Variants in EXOC4 observed in about 807,000 individuals in gnomAD.
The protein encoded by EXOC4 is exocyst complex component 4.
EXOC4 carries 71 observed loss-of-function variants against 107.2 expected under a neutral mutation model. That is an observed-to-expected ratio of 0.66 (90% CI 0.55 to 0.81). The LOEUF is 0.81. Among genes scored for constraint, EXOC4 ranks in the 30% least tolerant of loss-of-function variants. The pLI is 0.00. For missense variants in EXOC4, 1,108 were observed against 1,189.6 expected (o/e 0.93, Z 1.01); for synonymous variants, 456 against 441.2 (o/e 1.03, Z -0.42).
intron 10 of EXOC4, among the ~76,000 whole-genome samples, chr7:133,747,323 A>G (rs1486048150): frequency 1.3e-5 from 2 of 152,196 alleles, no homozygotes; most frequent in African/African-American, 4.8e-5. Flanking sequence ...AGTAATTACT[A>G]TTGAAAGTAA....
At chr7:133,761,844 G>T (rs1276888120) in intron 10 of EXOC4, among the ~76,000 whole-genome samples, 1 of 152,162 alleles carries the variant, frequency 6.6e-6, no homozygotes, top group South Asian at 2.1e-4. Context: ...ATTTTTACCT[G>T]TACTGACCAA....
the EXOC4 span, among the ~76,000 whole-genome samples, chr7:134,095,512 A>G: frequency 6.6e-6 from 1 of 152,178 alleles, no homozygotes; most frequent in East Asian, 1.9e-4. Context: ...CAAGTAGCCA[A>G]AACAATCCTA....
At position 133,305,986 on chromosome 7, in the gene EXOC4, A is replaced by G. The variant is rs1794744977; in HGVS notation, c.581A>G (p.Asp194Gly). 6.2e-7 allele frequency: 1 copy of G among 1,613,814 alleles called. No individual in the cohort carries two copies. The highest frequency in any genetic ancestry group is 1.3e-5 in the African/African-American group (1 of 74,908). ...ATGAACCTTCACTTGGTTCTCATAGATGAACTACACCGGCACCTGTACATC... is the reference window on the plus strand; with the variant it reads ...ATGAACCTTCACTTGGTTCTCATAGGTGAACTACACCGGCACCTGTACATC... ...KKMNLHLVLI[D>G]ELHRHLYIKS... The change falls in exon 4 of 18, where the codon GAT becomes GGT. Residue 194 changes from aspartate to glycine, a missense_variant. Asp to Gly is a moderately conservative substitution (Grantham distance 94). Transcript: ENST00000253861.
intron 10 of EXOC4, among the ~76,000 whole-genome samples, chr7:133,769,492 T>C (rs1796203745): frequency 6.6e-6 from 1 of 151,874 alleles, no homozygotes; most frequent in African/African-American, 2.4e-5. Flanking sequence ...TTGTGTTTGG[T>C]TTTTATTCCA....
chr7:133,402,521 C>CA (rs1563052247), intron 7 of EXOC4, among the ~76,000 whole-genome samples: 1 of 152,122 alleles, frequency 6.6e-6, no homozygotes, highest in African/African-American at 2.4e-5. Context: ...TTTTTTGAGA[C>CA]GGAGTCTTGC....
At chr7:133,297,735 T>C (rs1794550353) in intron 3 of EXOC4, among the ~76,000 whole-genome samples, 1 of 152,102 alleles carries the variant, frequency 6.6e-6, no homozygotes, top group Non-Finnish European at 1.5e-5. Flanking sequence ...CCATGCCAGG[T>C]AAAAAGAAAA....
chr7:134,099,683 A>T, the EXOC4 span, among the ~76,000 whole-genome samples: 1 of 151,332 alleles, frequency 6.6e-6, no homozygotes, highest in South Asian at 2.1e-4. Context: ...GGCACCCGCC[A>T]CCTCGCCAGG....
rs142626773 is a variant in EXOC4, at chr7:134,011,968, A to G, written c.2687+4133A>G. On this transcript the variant is annotated intron_variant, in intron 17 of 17. Coordinates refer to ENST00000253861, the MANE Select transcript of EXOC4 (RefSeq NM_021807.4). Reference sequence around the variant, plus strand: ...ATCTAGGGAAAGAGCGTACCAGGAAAGAACGTCTAAGGGTGAAGAGCCAGA... The same window carrying G: ...ATCTAGGGAAAGAGCGTACCAGGAAGGAACGTCTAAGGGTGAAGAGCCAGA... 1.1e-3 allele frequency among the ~76,000 whole-genome samples: 172 copies of G among 151,960 alleles called. 4 individuals carry two copies. The East Asian group carries it at 0.03, about 27-fold the overall frequency.
intron 5 of EXOC4, among the ~76,000 whole-genome samples, chr7:133,344,758 G>C (rs1423307483): frequency 6.6e-6 from 1 of 152,180 alleles, no homozygotes; most frequent in Non-Finnish European, 1.5e-5. Flanking sequence ...ACTTAGGGTT[G>C]ACTTTGTCTT....
intron 17 of EXOC4, among the ~76,000 whole-genome samples, chr7:134,028,391 TAA>T (rs1795193483): frequency 6.6e-6 from 1 of 152,202 alleles, no homozygotes; most frequent in African/African-American, 2.4e-5. Flanking sequence ...TATTTTTTCG[TAA>T]GGAAATTAAA....
intron 11 of EXOC4, among the ~76,000 whole-genome samples, chr7:133,864,485 A>AT (rs1166516117): frequency 6.6e-6 from 1 of 152,028 alleles, no homozygotes; most frequent in Non-Finnish European, 1.5e-5. Flanking sequence ...AAATTATTAG[A>AT]TGTTTTCACT....
At chr7:133,941,080 C>G (rs1692891266) in intron 14 of EXOC4, among the ~76,000 whole-genome samples, 1 of 151,702 alleles carries the variant, frequency 6.6e-6, no homozygotes, top group African/African-American at 2.4e-5. Context: ...TCACTGCAGC[C>G]TCTGCTTCCC....
chr7:134,010,983 A>C (rs998019673), intron 17 of EXOC4, among the ~76,000 whole-genome samples: 4 of 152,086 alleles, frequency 2.6e-5, no homozygotes, highest in African/African-American at 9.7e-5. Context: ...GAACCAGACA[A>C]CTTGTAACAT....
intron 9 of EXOC4, among the ~76,000 whole-genome samples, chr7:133,585,448 A>AGT (rs1801379790): frequency 6.6e-6 from 1 of 152,162 alleles, no homozygotes; most frequent in South Asian, 2.1e-4. Context: ...GTGATACAGC[A>AGT]GTGAACAAAA....
chr7:133,570,664 A>C (rs1007938914), intron 9 of EXOC4, among the ~76,000 whole-genome samples: 3 of 152,196 alleles, frequency 2.0e-5, no homozygotes, highest in African/African-American at 7.2e-5. Context: ...TTAAATATCC[A>C]AGGTCACACA....
At chr7:133,840,024 T>A (rs1281192343) in intron 11 of EXOC4, among the ~76,000 whole-genome samples, 2 of 152,194 alleles carry the variant, frequency 1.3e-5, no homozygotes, top group Non-Finnish European at 1.5e-5. Flanking sequence ...CAGGAGACAG[T>A]GGTCAGTTCT....
chr7:134,026,077 G>T (rs1795131495), intron 17 of EXOC4, among the ~76,000 whole-genome samples: 1 of 152,106 alleles, frequency 6.6e-6, no homozygotes, highest in South Asian at 2.1e-4. Flanking sequence ...TAATTCAAAT[G>T]ATTTAAGCCA....
chr7:133,478,536 G>T (rs1309229762), intron 8 of EXOC4, among the ~76,000 whole-genome samples: 1 of 152,112 alleles, frequency 6.6e-6, no homozygotes, highest in African/African-American at 2.4e-5. Context: ...AATCTCTAGT[G>T]CCTCTTTTAC....
intron 17 of EXOC4, among the ~76,000 whole-genome samples, chr7:134,038,736 G>A (rs1795449829): frequency 6.6e-6 from 1 of 152,094 alleles, no homozygotes; most frequent in South Asian, 2.1e-4. Context: ...AGACCAAGCA[G>A]AGCAGCCACA....
Sources: gnomAD v4.1 joint callset for allele counts (sites outside exome capture counted in the v4.1 genomes callset) on GRCh38, gnomAD v4.1.1 for gene constraint, MANE v1.5 for transcripts, NCBI Gene and HGNC (gene_info 2026-07-23, HGNC 2026-07-21) for gene names.